The following HECW1 variants were observed in gnomAD, a reference collection of about 807,000 sequenced individuals.
HECW1 encodes E3 ubiquitin-protein ligase HECW1.
Under a neutral mutation model 182.3 loss-of-function variants are expected in HECW1, and 61 were observed. The ratio of observed to expected loss-of-function variants is 0.33; its 90% CI spans 0.27 to 0.41. HECW1 has a LOEUF of 0.41. HECW1 is among the 10% of genes least tolerant of loss of function. The pLI is 1.00. For missense variants in HECW1, 1,739 were observed against 2,108.9 expected, an observed-to-expected ratio of 0.82 and a Z score of 3.44; for synonymous variants, 859 against 832.6, an observed-to-expected ratio of 1.03 and a Z score of -0.55.
intron 2 of HECW1, among the ~76,000 whole-genome samples, chr7:43,208,376 A>T (rs906475613): frequency 6.6e-6 from 1 of 152,004 alleles, no homozygotes; most frequent in Non-Finnish European, 1.5e-5. Flanking sequence ...ATCTTCCTTT[A>T]CCTCGAAACA....
chr7:43,274,121 A>T lies in HECW1; in HGVS notation c.27+30189A>T, dbSNP rs571864939. On this transcript the variant is annotated intron_variant, in intron 3 of 29. Coordinates refer to ENST00000395891, the MANE Select transcript of HECW1 (RefSeq NM_015052.5). The stretch of plus-strand genomic sequence containing the variant: ...CCGCCTCGGCCTCCCAAAGTGCTGG[A>T]GAAAAGCGCGGGTGGCGGCAGGCAC... 20 of 395,336 alleles carry T rather than the reference A, an allele frequency of 5.1e-5. No individual in the cohort carries two copies. The South Asian group carries it at 1.4e-3, about 28-fold the overall frequency. The allele number at this position is 395,336 out of a possible 1,614,324, so 24.5% of individuals were successfully genotyped here. A position where few individuals can be genotyped will look rare whatever the true frequency, so the allele number is the denominator to read the frequency against.
In HECW1 at chr7:43,562,232, A is replaced by G. The variant is rs1462521230; in HGVS notation, c.*306A>G. 1 of 283,578 alleles carries G rather than the reference A, an allele frequency of 3.5e-6. No homozygotes were observed. The highest frequency in any genetic ancestry group is 6.6e-6 in the Non-Finnish European group (1 of 151,146). The allele number at this position is 283,578 out of a possible 1,614,324, so 17.6% of individuals were successfully genotyped here. ...ATTACTAACAATGAAATATGAATGC[A>G]AGTTAAGCTACACTTGACCAAATGG... On this transcript the variant is annotated 3_prime_UTR_variant, in exon 30 of 30. Coordinates refer to ENST00000395891, the MANE Select transcript of HECW1 (RefSeq NM_015052.5).
chr7:43,364,600 C>T (rs530280808), intron 6 of HECW1, among the ~76,000 whole-genome samples: 1 of 152,344 alleles, frequency 6.6e-6, no homozygotes, highest in East Asian at 1.9e-4. Context: ...CATGAGTGGG[C>T]CTTGGCCATG....
intron 3 of HECW1, among the ~76,000 whole-genome samples, chr7:43,263,596 T>G (rs937205610): frequency 6.6e-6 from 1 of 152,094 alleles, no homozygotes; most frequent in Admixed American, 6.6e-5. Context: ...CCTGACCTTG[T>G]GATCCGCCCG....
chr7:43,535,237 C>A (rs1355314398), intron 24 of HECW1, among the ~76,000 whole-genome samples: 1 of 152,148 alleles, frequency 6.6e-6, no homozygotes, highest in Non-Finnish European at 1.5e-5. Flanking sequence ...GGCCTTTAAG[C>A]CACTTGGGAA....
At chr7:43,513,435 C>T (rs2079978193) in intron 24 of HECW1, among the ~76,000 whole-genome samples, 1 of 152,198 alleles carries the variant, frequency 6.6e-6, no homozygotes, top group Non-Finnish European at 1.5e-5. Flanking sequence ...ACAGTGTGTC[C>T]TTCCTCTGAA....
chr7:43,559,968 T>C (rs555987773), intron 29 of HECW1, among the ~76,000 whole-genome samples: 1 of 152,352 alleles, frequency 6.6e-6, no homozygotes, highest in African/African-American at 2.4e-5. Flanking sequence ...AATGATCTTT[T>C]ACAGAATTAA....
chr7:43,227,507 A>G (rs1443952417), intron 2 of HECW1, among the ~76,000 whole-genome samples: 1 of 152,204 alleles, frequency 6.6e-6, no homozygotes, highest in African/African-American at 2.4e-5. Context: ...ACTAAGAAAC[A>G]TAAAAGATTT....
Position 43,268,924 on chromosome 7 carries a change from G to A in HECW1, c.27+24992G>A, listed in dbSNP as rs554297135. 1.4e-3 allele frequency among the ~76,000 whole-genome samples: 207 copies of A among 152,152 alleles called. 1 individual carries two copies. The South Asian group carries it at 0.015, about 11-fold the overall frequency. On this transcript the variant is annotated intron_variant, in intron 3 of 29. Coordinates refer to ENST00000395891, the MANE Select transcript of HECW1 (RefSeq NM_015052.5). ...GTAGCTACTGGGACTACCAGTGTGC[G>A]CCACCAACCCTTGCTGATTTTTCTA...
intron 11 of HECW1, among the ~76,000 whole-genome samples, chr7:43,448,032 G>A (rs1365365215): frequency 6.6e-6 from 1 of 152,086 alleles, no homozygotes; most frequent in African/African-American, 2.4e-5. Flanking sequence ...CTACTTGGGA[G>A]GCTGAGGCAG....
In HECW1 at chr7:43,311,905, C is replaced by T. The variant is rs777589869; in HGVS notation, c.170C>T (p.Pro57Leu). Reference sequence around the variant, plus strand: ...CACAACATGGACCTCAGGGGCGGCCCCCACGATGGCGTCACCATTCCCCGC... The same window carrying T: ...CACAACATGGACCTCAGGGGCGGCCTCCACGATGGCGTCACCATTCCCCGC... ...QFHNMDLRGG[P>L]HDGVTIPRST... Residue 57 changes from proline to leucine, a missense_variant, in exon 4 of 30, where the codon CCC (proline) becomes CTC (leucine). Around this residue, in one of 5 missense-constraint regions of HECW1, gnomAD observed 279 missense variants for 353.1 expected, o/e 0.79. Transcript: ENST00000395891. 3.7e-6 allele frequency: 6 copies of T among 1,614,106 alleles called. No individual in the cohort carries two copies. Among genetic ancestry groups the T allele is most frequent in the Non-Finnish European group, 5.1e-6 (6 of 1,180,060 alleles).
At chr7:43,296,234 T>A (rs575237196) in intron 3 of HECW1, among the ~76,000 whole-genome samples, 64 of 152,336 alleles carry the variant, frequency 4.2e-4, no homozygotes, top group Non-Finnish European at 4.9e-4. Flanking sequence ...CAGGAAATAT[T>A]TCTGCATAAT....
At chr7:43,405,290 A>G (rs62458243) in intron 7 of HECW1, among the ~76,000 whole-genome samples, 32,694 of 152,078 alleles carry the variant, frequency 0.21, 4,744 homozygotes, top group African/African-American at 0.41. Flanking sequence ...ATAAGTCAGG[A>G]TCTCCAAGAT....
chr7:43,170,365 CT>C (rs200914444), intron 2 of HECW1, among the ~76,000 whole-genome samples: 2,550 of 152,294 alleles, frequency 0.017, 33 homozygotes, highest in Non-Finnish European at 0.025. Flanking sequence ...TCCCCCACCC[CT>C]GTCTGTGGAA....
At chr7:43,115,295 A>C in intron 2 of HECW1, among the ~76,000 whole-genome samples, 1 of 113,726 alleles carries the variant, frequency 8.8e-6, no homozygotes. Context: ...CAACTCAAAC[A>C]GGTCTTTTTT....
intron 2 of HECW1, among the ~76,000 whole-genome samples, chr7:43,131,769 G>A (rs1274101621): frequency 6.6e-6 from 1 of 152,214 alleles, no homozygotes; most frequent in East Asian, 1.9e-4. Context: ...GATACTGGAG[G>A]TGGGCTCTTT....
At chr7:43,471,950 A>G (rs923758213) in intron 16 of HECW1, among the ~76,000 whole-genome samples, 2 of 152,252 alleles carry the variant, frequency 1.3e-5, no homozygotes, top group Admixed American at 1.3e-4. Context: ...TTTAAAAGAC[A>G]TCTATTCATC....
chr7:43,525,638 A>C (rs1329622593), intron 24 of HECW1, among the ~76,000 whole-genome samples: 2 of 152,246 alleles, frequency 1.3e-5, no homozygotes, highest in African/African-American at 4.8e-5. Context: ...AATCCTAATC[A>C]AATTGAGAAC....
chr7:43,562,213 A>T lies in HECW1; in HGVS notation c.*287A>T. On this transcript the variant is annotated 3_prime_UTR_variant, in exon 30 of 30. Coordinates refer to ENST00000395891, the MANE Select transcript of HECW1 (RefSeq NM_015052.5). Reference sequence around the variant, plus strand: ...TATATCTCCACATACCTCCATTACTAACAATGAAATATGAATGCAAGTTAA... The same window carrying T: ...TATATCTCCACATACCTCCATTACTTACAATGAAATATGAATGCAAGTTAA... The T allele has an allele frequency of 3.3e-6, 1 of 306,358 alleles. No homozygotes were observed. The highest frequency in any genetic ancestry group is 6.0e-6 in the Non-Finnish European group (1 of 165,662). 19.0% of individuals were successfully genotyped at this position (306,358 alleles called of 1,614,324 possible).
Sources: gnomAD v4.1 joint callset for allele counts (sites outside exome capture counted in the v4.1 genomes callset) on GRCh38, gnomAD v4.1.1 for gene constraint, gnomAD v4.1.1 regional missense constraint, MANE v1.5 for transcripts, NCBI Gene and HGNC (gene_info 2026-07-23, HGNC 2026-07-21) for gene names.